Variants in VPS13A observed in about 807,000 individuals in gnomAD.
The protein encoded by VPS13A is intermembrane lipid transfer protein VPS13A.
Under a neutral mutation model 390.9 loss-of-function variants are expected in VPS13A, and 264 were observed. The ratio of observed to expected loss-of-function variants is 0.68; its 90% CI spans 0.61 to 0.75. The LOEUF is 0.75. Ranked by LOEUF, VPS13A falls within the 30% of genes least tolerant of loss-of-function variation. The pLI, the probability that VPS13A is intolerant of heterozygous loss-of-function variation, is 0.00. For synonymous variants in VPS13A, 1,231 were observed against 1,227.1 expected (o/e 1.00, Z -0.07); for missense variants, 3,409 against 3,733.9 (o/e 0.91, Z 2.27).
intron 71 of VPS13A, among the ~76,000 whole-genome samples, chr9:77,413,044 T>G (rs949935585): frequency 4.6e-5 from 7 of 152,192 alleles, no homozygotes; most frequent in Non-Finnish European, 7.3e-5. Context: ...ACAAGGGATG[T>G]GAAGGACCTC....
intron 17 of VPS13A, among the ~76,000 whole-genome samples, chr9:77,229,794 A>G (rs187381910): frequency 2.0e-5 from 3 of 152,278 alleles, no homozygotes; most frequent in East Asian, 3.9e-4. Context: ...CCTGGGGTGG[A>G]ATTGCTGTCT....
At chr9:77,287,331 A>G (rs1827393410) in intron 31 of VPS13A, among the ~76,000 whole-genome samples, 1 of 151,338 alleles carries the variant, frequency 6.6e-6, no homozygotes, top group South Asian at 2.1e-4. Context: ...CCTCCTGAGT[A>G]GCTAGGACTG....
rs991508153 is a variant in VPS13A at position 77,207,364 on chromosome 9, A to T, written c.385+1285A>T. Among the ~76,000 whole-genome samples the T allele has an allele frequency of 2.0e-5, 3 of 148,866 alleles. No homozygotes were observed. In the Admixed American group the frequency reaches 2.0e-4, roughly 10 times the overall value. On this transcript the variant is annotated intron_variant, in intron 5 of 71. Coordinates refer to ENST00000360280, the MANE Select transcript of VPS13A (RefSeq NM_033305.3). ...AACTCATCTCGTGTTTCATTGGCAT[A>T]TATATGACATATATAATATATAACG...
intron 50 of VPS13A, among the ~76,000 whole-genome samples, chr9:77,342,694 A>T (rs567591778): frequency 6.6e-5 from 10 of 152,328 alleles, no homozygotes; most frequent in African/African-American, 2.4e-4. Flanking sequence ...CATCCCCAAG[A>T]TATCTCATCA....
chr9:77,353,358 A>G (rs1394329850), intron 53 of VPS13A, 51 bp from the exon 54 acceptor site: 1 of 1,401,842 alleles, frequency 7.1e-7, no homozygotes, highest in Non-Finnish European at 9.9e-7. Context: ...GTTCTTTGGG[A>G]CCAAATTCTA....
Position 77,340,160 on chromosome 9 carries a change from G to A in VPS13A, c.6775-18G>A, listed in dbSNP as rs1471823894. ...AAGGTACCTAAATTGTGATGTATTTGGAATATTTTTTTCCTAGGTTCAACT... is the reference window on the plus strand; with the variant it reads ...AAGGTACCTAAATTGTGATGTATTTAGAATATTTTTTTCCTAGGTTCAACT... On this transcript the variant is annotated intron_variant, in intron 48 of 71. Transcript: ENST00000360280. 6.2e-7 allele frequency: 1 copy of A among 1,601,994 alleles called. No homozygotes were observed. The highest frequency in any genetic ancestry group is 2.2e-5 in the East Asian group (1 of 44,652).
intron 53 of VPS13A, 34 bp from the exon 54 acceptor site, chr9:77,353,375 T>C (rs1393432686): frequency 2.8e-6 from 4 of 1,408,174 alleles, no homozygotes; most frequent in Non-Finnish European, 3.9e-6. Context: ...TCTAATTTTT[T>C]GGTTTTTTTT....
At chr9:77,304,274 G>A (rs1381297864) in intron 34 of VPS13A, among the ~76,000 whole-genome samples, 2 of 152,192 alleles carry the variant, frequency 1.3e-5, no homozygotes, top group East Asian at 3.9e-4. Flanking sequence ...ACATGTTTTT[G>A]TGAGCTCCAG....
rs79009043 is a variant in VPS13A at position 77,252,562 on chromosome 9, A to C, written c.2288+210A>C. Among the ~76,000 whole-genome samples the C allele has an allele frequency of 0.038, 5,752 of 152,206 alleles. 296 individuals are homozygous for C. The highest frequency in any genetic ancestry group is 0.12 in the East Asian group (616 of 5,174). ...TGTCATTAGGTTCACGCATGTTGTT[A>C]TGCAACCATCACCACCATTCATTTC... On this transcript the variant is annotated intron_variant, in intron 22 of 71. Transcript: ENST00000360280.
chr9:77,364,623 A>T (rs1204071797), intron 59 of VPS13A, among the ~76,000 whole-genome samples: 1 of 152,156 alleles, frequency 6.6e-6, no homozygotes, highest in Non-Finnish European at 1.5e-5. Flanking sequence ...ATACTAGTCT[A>T]GAGTAGAATT....
At chr9:77,284,060 A>G (rs908780387) in intron 31 of VPS13A, among the ~76,000 whole-genome samples, 1 of 151,654 alleles carries the variant, frequency 6.6e-6, no homozygotes, top group African/African-American at 2.4e-5. Context: ...GATTTTTTAT[A>G]AAGCTTATTG....
In VPS13A at chr9:77,207,252, T is replaced by TAA. The variant is rs1554860017; in HGVS notation, c.385+1176_385+1177dup. Among the ~76,000 whole-genome samples, 586 of 87,246 alleles carry TAA rather than the reference T, an allele frequency of 6.7e-3. 33 individuals carry two copies. The highest frequency in any genetic ancestry group is 8.2e-3 in the Non-Finnish European group (356 of 43,172). The allele number at this position is 87,246 out of a possible 152,430, so 57.2% of individuals were successfully genotyped here. A position where few individuals can be genotyped will look rare whatever the true frequency, so the allele number is the denominator to read the frequency against. On this transcript the variant is annotated intron_variant, in intron 5 of 71. Coordinates refer to ENST00000360280, the MANE Select transcript of VPS13A (RefSeq NM_033305.3). The stretch of plus-strand genomic sequence containing the variant: ...ATATATATATATATATATATATATA[T>TAA]AAAACGTGTTATATGTAACATAACA...
rs772739585 is a variant in VPS13A at position 77,340,494 on chromosome 9, C to T, written c.6970C>T (p.His2324Tyr). 3 of 1,613,186 alleles carry T rather than the reference C, an allele frequency of 1.9e-6. No homozygotes were observed. In the East Asian group the frequency reaches 6.7e-5, roughly 36 times the overall value. ...TATGATTAAAAACAAAAGCAAATAC[C>T]ATATATCAGTGGCTGAAGAAGGAAA... ...FYMIKNKSKY[H>Y]ISVAEEGNDK... is the part of the protein sequence containing the mutation. The change falls in exon 50 of 72, where the codon CAT becomes TAT. Residue 2324 changes from histidine (H) to tyrosine (Y), a missense_variant. Transcript: ENST00000360280.
At chr9:77,343,052 A>G (rs1165509229) in intron 50 of VPS13A, among the ~76,000 whole-genome samples, 2 of 152,148 alleles carry the variant, frequency 1.3e-5, no homozygotes, top group African/African-American at 4.8e-5. Flanking sequence ...CCCTTGTTTT[A>G]AACTGATCAT....
chr9:77,311,995 A>T (rs1333268769), intron 35 of VPS13A, among the ~76,000 whole-genome samples: 4 of 152,192 alleles, frequency 2.6e-5, no homozygotes, highest in African/African-American at 7.2e-5. Flanking sequence ...GAATTTGTGG[A>T]ATGCAACTAA....
At chr9:77,209,996 A>G (rs1221283172) in intron 6 of VPS13A, among the ~76,000 whole-genome samples, 1 of 152,116 alleles carries the variant, frequency 6.6e-6, no homozygotes, top group Non-Finnish European at 1.5e-5. Context: ...CATGCAGTAT[A>G]ATATTCCTGT....
intron 50 of VPS13A, among the ~76,000 whole-genome samples, chr9:77,343,350 G>C (rs573962462): frequency 7.9e-5 from 12 of 152,308 alleles, no homozygotes; most frequent in African/African-American, 2.6e-4. Flanking sequence ...AACAAGCTAA[G>C]ACACTTAGCT....
chr9:77,195,332 G>A (rs1315551269), intron 1 of VPS13A, among the ~76,000 whole-genome samples: 1 of 152,142 alleles, frequency 6.6e-6, no homozygotes, highest in African/African-American at 2.4e-5. Context: ...CACCATGTTA[G>A]CCAGGATGGT....
At chr9:77,189,413 G>A (rs1824542356) in intron 1 of VPS13A, among the ~76,000 whole-genome samples, 1 of 151,952 alleles carries the variant, frequency 6.6e-6, no homozygotes, top group Non-Finnish European at 1.5e-5. Flanking sequence ...GATGGTTGTA[G>A]GTGTCTGGCT....
Sources: allele counts gnomAD v4.1 joint callset (sites outside exome capture counted in the v4.1 genomes callset), GRCh38; gene constraint gnomAD v4.1.1; transcripts MANE v1.5; gene names NCBI Gene and HGNC (gene_info 2026-07-23, HGNC 2026-07-21).